CCDC175: variants seen among roughly 807,000 people sequenced by gnomAD.
CCDC175 encodes the protein coiled-coil domain containing 175, also known as coiled-coil domain-containing protein 175.
A neutral mutation model predicts 114.6 loss-of-function variants in CCDC175; 100 were observed. That is an observed-to-expected ratio of 0.87 (90% CI 0.74 to 1.03). CCDC175 has a LOEUF of 1.03. Among genes scored for constraint, CCDC175 ranks in the 50% least tolerant of loss-of-function variants. The pLI, the probability that CCDC175 is intolerant of heterozygous loss-of-function variation, is 0.00. For synonymous variants in CCDC175, 306 were observed against 308.7 expected (o/e 0.99, Z 0.09); for missense variants, 880 against 917.8 (o/e 0.96, Z 0.53).
chr14:59,534,402 C>T (rs1595017028), intron 13 of CCDC175, among the ~76,000 whole-genome samples: 1 of 152,344 alleles, frequency 6.6e-6, no homozygotes, highest in Non-Finnish European at 1.5e-5. Flanking sequence ...GAGACCAATG[C>T]AGATTCCAGT....
intron 19 of CCDC175, among the ~76,000 whole-genome samples, chr14:59,509,445 T>C (rs1208869293): frequency 6.6e-6 from 1 of 152,208 alleles, no homozygotes; most frequent in African/African-American, 2.4e-5. Context: ...TTATTTCTTC[T>C]GTCAAGCAAT....
chr14:59,519,423 T>C (rs75258032), intron 17 of CCDC175, among the ~76,000 whole-genome samples: 1,691 of 152,238 alleles, frequency 0.011, 29 homozygotes, highest in African/African-American at 0.038. Context: ...GGCACAAATG[T>C]TTTAGGCAGG....
chr14:59,526,534 C>A (rs1465129326), intron 15 of CCDC175, among the ~76,000 whole-genome samples: 1 of 144,610 alleles, frequency 6.9e-6, no homozygotes, highest in Non-Finnish European at 1.5e-5. Flanking sequence ...CGAGCCTGGG[C>A]AACAGAGTGA....
chr14:59,540,704 A>G lies in CCDC175; in HGVS notation c.1326T>C (p.Ser442=). ...TCTGACTTTCTCTTTCCAGGTTAGC[A>G]CTCAGGATTTTGATTTGTTGCTGAT... is the stretch of plus-strand genomic sequence containing the variant. ...TVYQQQIKIL[S]ANLERESQRC... is the part of the protein sequence containing the mutation. The change falls in exon 11 of 20, where the codon AGT becomes AGC. Residue 442 remains serine (S), a synonymous_variant. Transcript: ENST00000537690. The G allele has an allele frequency of 6.9e-7, 1 of 1,450,892 alleles. No homozygotes were observed. Among genetic ancestry groups the G allele is most frequent in the Middle Eastern group, 1.9e-4 (1 of 5,268 alleles). The allele number at this position is 1,450,892 out of a possible 1,614,324, so 89.9% of individuals were successfully genotyped here.
At position 59,572,722 on chromosome 14, in the gene CCDC175, C is replaced by A; in HGVS notation, c.335G>T (p.Ser112Ile). The change falls in exon 3 of 20, where the codon AGC becomes ATC. Residue 112 changes from serine (S) to isoleucine (I), a missense_variant. By Grantham distance (142) the Ser-to-Ile change is moderately radical. Transcript: ENST00000537690. ...AGTACCTTCCAATTCCCTCTTAATG[C>A]TATTGGGAAGAGTTTCCAATAGATA... ...LYYLLETLPNSIKRELEECVR... is the reference protein window; with the variant it reads ...LYYLLETLPNIIKRELEECVR... 6.7e-7 allele frequency: 1 copy of A among 1,503,068 alleles called. No individual in the cohort carries two copies. Among genetic ancestry groups the A allele is most frequent in the Admixed American group, 2.4e-5 (1 of 41,494 alleles). 93.1% of individuals were successfully genotyped at this position (1,503,068 alleles called of 1,614,324 possible). A position where few individuals can be genotyped will look rare whatever the true frequency, so the allele number is the denominator to read the frequency against.
At chr14:59,552,915 A>G (rs1895618768) in intron 7 of CCDC175, among the ~76,000 whole-genome samples, 1 of 152,238 alleles carries the variant, frequency 6.6e-6, no homozygotes, top group African/African-American at 2.4e-5. Context: ...AGTTTAGAGA[A>G]AAAACAGTAA....
chr14:59,540,046 G>A (rs961532057), intron 11 of CCDC175, among the ~76,000 whole-genome samples: 32 of 152,072 alleles, frequency 2.1e-4, no homozygotes, highest in African/African-American at 7.5e-4. Context: ...ACTCCATCTT[G>A]GGCGACAGAG....
chr14:59,562,333 T>C (rs1382425040), intron 6 of CCDC175, among the ~76,000 whole-genome samples: 1 of 152,148 alleles, frequency 6.6e-6, no homozygotes, highest in African/African-American at 2.4e-5. Context: ...TGAAATTCCT[T>C]GTGGTCTCAG....
chr14:59,570,924 G>A (rs1247552948), intron 3 of CCDC175, among the ~76,000 whole-genome samples: 2 of 152,032 alleles, frequency 1.3e-5, no homozygotes, highest in African/African-American at 4.8e-5. Context: ...TGTATTTTTA[G>A]TAGAGATGGG....
intron 13 of CCDC175, 116 bp downstream of exon 13, chr14:59,537,907 C>T (rs5013569): frequency 0.6 from 400,154 of 661,840 alleles, 124,771 homozygotes; most frequent in East Asian, 0.81. Context: ...ATTGTAGCCT[C>T]TTTCATACTA....
In CCDC175 at chr14:59,561,280, T is replaced by A. The variant is rs1369282993; in HGVS notation, c.844-52A>T. On this transcript the variant is annotated intron_variant, in intron 6 of 19. Coordinates refer to ENST00000537690, the MANE Select transcript of CCDC175 (RefSeq NM_001164399.2). ...CATCCAATCATCACCAAGTGATTCA[T>A]AACAGCAGTTCAATTCCACTCAATA... The A allele has an allele frequency of 3.2e-6, 3 of 933,372 alleles. No individual in the cohort carries two copies. The Admixed American group carries it at 6.2e-5, about 19-fold the overall frequency. 57.8% of individuals were successfully genotyped at this position (933,372 alleles called of 1,614,324 possible). A position where few individuals can be genotyped will look rare whatever the true frequency, so the allele number is the denominator to read the frequency against.
chr14:59,555,609 A>G (rs1895842737), intron 7 of CCDC175, among the ~76,000 whole-genome samples: 4 of 152,142 alleles, frequency 2.6e-5, no homozygotes, highest in Admixed American at 2.0e-4. Flanking sequence ...TGGAAGTTCT[A>G]GCCAGGGCAA....
At position 59,510,773 on chromosome 14, in the gene CCDC175, G is replaced by A. The variant is rs1892693240; in HGVS notation, c.2178C>T (p.Asp726=). ...LVDNGEETLQ[D]INNLTDKLRE... ...GCAGCTTGTCTGTTAGATTGTTTAT[G>A]TCTTGCAAGGTCTCTTCACCATTGT... The change falls in exon 19 of 20, where the codon GAC becomes GAT. Residue 726 remains aspartate, a synonymous_variant. Transcript: ENST00000537690. The A allele has an allele frequency of 6.5e-7, 1 of 1,537,250 alleles. No homozygotes were observed. The highest frequency in any genetic ancestry group is 2.0e-5 in the Admixed American group (1 of 50,966).
rs149302258 is a variant in CCDC175 at position 59,505,478 on chromosome 14, C to G, written c.2306-163G>C. 613 of 402,514 alleles carry G rather than the reference C, an allele frequency of 1.5e-3. 2 individuals are homozygous for G. Among genetic ancestry groups the G allele is most frequent in the African/African-American group, 0.011 (554 of 49,270 alleles). 24.9% of individuals were successfully genotyped at this position (402,514 alleles called of 1,614,324 possible). A position where few individuals can be genotyped will look rare whatever the true frequency, so the allele number is the denominator to read the frequency against. ...GGTGTCATGTGTCTGATTACTAGGA[C>G]TATATCTTCTGGTCCACTTGGGGCC... is the stretch of plus-strand genomic sequence containing the variant. On this transcript the variant is annotated intron_variant, in intron 19 of 19. Transcript: ENST00000537690.
chr14:59,518,376 G>T (rs1386254785), intron 17 of CCDC175, among the ~76,000 whole-genome samples: 1 of 152,124 alleles, frequency 6.6e-6, no homozygotes, highest in African/African-American at 2.4e-5. Context: ...TCATCAGAGT[G>T]AACAGGCAAC....
chr14:59,521,406 C>T (rs565463516), intron 17 of CCDC175, among the ~76,000 whole-genome samples, 168 bp downstream of exon 17: 152 of 152,288 alleles, frequency 1.0e-3, no homozygotes, highest in African/African-American at 3.5e-3. Flanking sequence ...ACGGATCCAC[C>T]ACTGGATTCC....
Position 59,576,615 on chromosome 14 carries a change from T to C in CCDC175, c.157+4A>G. ...TCCCTTCCAGCGCCCGAGGGGCGTCTTACCCACAACAAACAGCTGCTCCAG... is the reference window on the plus strand; with the variant it reads ...TCCCTTCCAGCGCCCGAGGGGCGTCCTACCCACAACAAACAGCTGCTCCAG... On this transcript the variant is annotated splice_donor_region_variant and intron_variant, in intron 1 of 19. Transcript: ENST00000537690. The C allele has an allele frequency of 6.9e-7, 1 of 1,451,136 alleles. No homozygotes were observed. Among genetic ancestry groups the C allele is most frequent in the Non-Finnish European group, 9.0e-7 (1 of 1,110,580 alleles). 89.9% of individuals were successfully genotyped at this position (1,451,136 alleles called of 1,614,324 possible). A position where few individuals can be genotyped will look rare whatever the true frequency, so the allele number is the denominator to read the frequency against.
intron 8 of CCDC175, 71 bp from the exon 9 acceptor site, chr14:59,545,370 G>A: frequency 1.4e-6 from 2 of 1,426,340 alleles, no homozygotes; most frequent in South Asian, 1.3e-5. Context: ...TGCATCAGGT[G>A]GCAACTCGGA....
rs371138299 is a variant in CCDC175 at position 59,543,331 on chromosome 14, G to A, written c.1283+13C>T. The A allele has an allele frequency of 3.0e-6, 3 of 997,158 alleles. No homozygotes were observed. The highest frequency in any genetic ancestry group is 3.4e-5 in the African/African-American group (2 of 59,608). The allele number at this position is 997,158 out of a possible 1,614,324, so 61.8% of individuals were successfully genotyped here. On this transcript the variant is annotated intron_variant, in intron 10 of 19. Transcript: ENST00000537690. ...AAAGTAAAGATAAAAAATTTCAAAG[G>A]CAACAAACATACTGTTGAAGTTCCT...
Sources: allele counts gnomAD v4.1 joint callset (sites outside exome capture counted in the v4.1 genomes callset), GRCh38; gene constraint gnomAD v4.1.1; transcripts MANE v1.5; gene names NCBI Gene and HGNC (gene_info 2026-07-23, HGNC 2026-07-21).